MAP4K5: variants seen among roughly 807,000 people sequenced by gnomAD.
MAP4K5 encodes the protein MAPK/ERK kinase kinase kinase 5.
A neutral mutation model predicts 135.6 loss-of-function variants in MAP4K5; 82 were observed. That is an observed-to-expected ratio of 0.60 (90% CI 0.51 to 0.73). The LOEUF is 0.73. Ranked by LOEUF, MAP4K5 falls within the 30% of genes least tolerant of loss-of-function variation. MAP4K5 has a pLI of 0.00. For synonymous variants in MAP4K5, 347 were observed against 335.0 expected (o/e 1.04, Z -0.39); for missense variants, 907 against 1,010.9 (o/e 0.90, Z 1.39).
chr14:50,453,729 C>A (rs1012695312), intron 14 of MAP4K5, among the ~76,000 whole-genome samples: 8 of 152,248 alleles, frequency 5.3e-5, no homozygotes, highest in African/African-American at 1.9e-4. Context: ...GATGTTCACC[C>A]TTTCAGATAC....
rs116911105 is a variant in MAP4K5 at position 50,530,982 on chromosome 14, T to A, written c.108+960A>T. Among the ~76,000 whole-genome samples the A allele has an allele frequency of 6.6e-5, 10 of 152,366 alleles. No homozygotes were observed. In the East Asian group the frequency reaches 1.7e-3, roughly 26 times the overall value. Reference sequence around the variant, plus strand: ...ATGACACAAAACCACTTCAGCGATATGCAGAAGTGTTGTTTGGCACAATGC... The same window carrying A: ...ATGACACAAAACCACTTCAGCGATAAGCAGAAGTGTTGTTTGGCACAATGC... On this transcript the variant is annotated intron_variant, in intron 2 of 32. Transcript: ENST00000682126.
chr14:50,448,714 CAAAA>C, intron 15 of MAP4K5, 56 bp downstream of exon 15: 5 of 995,080 alleles, frequency 5.0e-6, no homozygotes, highest in South Asian at 1.6e-5. Context: ...GTACAACTAA[CAAAA>C]AAAAAGTTTT....
chr14:50,474,027 C>T (rs374026528), intron 9 of MAP4K5, among the ~76,000 whole-genome samples: 12 of 152,180 alleles, frequency 7.9e-5, no homozygotes, highest in Admixed American at 7.2e-4. Context: ...TTTCCACATA[C>T]GATTTTTTGA....
chr14:50,545,050 C>G (rs746478065), intron 1 of MAP4K5, among the ~76,000 whole-genome samples: 80 of 151,868 alleles, frequency 5.3e-4, no homozygotes, highest in Non-Finnish European at 1.1e-3. Flanking sequence ...GGCTGTGAGC[C>G]AAGGCCATGA....
At chr14:50,557,548 C>T (rs911839234) in intron 1 of MAP4K5, among the ~76,000 whole-genome samples, 2 of 152,172 alleles carry the variant, frequency 1.3e-5, no homozygotes, top group Admixed American at 1.3e-4. Flanking sequence ...ACATAACATT[C>T]TATTGCGTAT....
intron 2 of MAP4K5, among the ~76,000 whole-genome samples, chr14:50,515,123 C>T (rs1008918534): frequency 1.3e-5 from 2 of 151,952 alleles, no homozygotes; most frequent in African/African-American, 2.4e-5. Context: ...AGGATGGTCT[C>T]GATCTCCTGA....
At chr14:50,512,958 A>C (rs9285577) in intron 2 of MAP4K5, among the ~76,000 whole-genome samples, 2,461 of 152,302 alleles carry the variant, frequency 0.016, 26 homozygotes, top group Non-Finnish European at 0.025. Context: ...CACAAAAAAG[A>C]TCTAACTATA....
upstream of MAP4K5, among the ~76,000 whole-genome samples, chr14:50,534,545 C>T (rs1272632392): frequency 6.6e-6 from 1 of 152,206 alleles, no homozygotes; most frequent in Admixed American, 6.5e-5. Context: ...ATGAATTAGG[C>T]AGTGAAATGT....
chr14:50,520,484 G>C (rs1379013315), intron 2 of MAP4K5, among the ~76,000 whole-genome samples: 1 of 152,150 alleles, frequency 6.6e-6, no homozygotes, highest in South Asian at 2.1e-4. Flanking sequence ...CTGGGCGACA[G>C]AGCAAGACTC....
chr14:50,509,024 A>T (rs2037873280), intron 2 of MAP4K5, among the ~76,000 whole-genome samples: 1 of 152,210 alleles, frequency 6.6e-6, no homozygotes, highest in African/African-American at 2.4e-5. Flanking sequence ...AATGTGACAC[A>T]TATATACCAT....
intron 6 of MAP4K5, among the ~76,000 whole-genome samples, chr14:50,482,013 G>C (rs2037253765): frequency 6.6e-6 from 1 of 152,124 alleles, no homozygotes; most frequent in Non-Finnish European, 1.5e-5. Context: ...TGAGAGGTTT[G>C]GTAATTCATT....
Position 50,559,900 on chromosome 14 carries a change from T to C in MAP4K5, c.-180+1140A>G, listed in dbSNP as rs2038813206. 6 of 336,608 alleles carry C rather than the reference T, an allele frequency of 1.8e-5. No individual in the cohort carries two copies. The East Asian group carries it at 3.7e-4, about 21-fold the overall frequency. The allele number at this position is 336,608 out of a possible 1,614,324, so 20.9% of individuals were successfully genotyped here. The stretch of plus-strand genomic sequence containing the variant: ...AGTATATCGGTTTGTGTATTTCTGA[T>C]AACGCTGTTAAATTCTTTGAGAGTG... On this transcript the variant is annotated intron_variant, in intron 1 of 8. Transcript: ENST00000555216.
intron 18 of MAP4K5, among the ~76,000 whole-genome samples, chr14:50,444,370 T>C (rs2036295730): frequency 6.6e-6 from 1 of 152,200 alleles, no homozygotes; most frequent in East Asian, 1.9e-4. Flanking sequence ...AGCTCACATT[T>C]CTATTATAAT....
At chr14:50,437,396 T>C (rs942624697) in intron 26 of MAP4K5, 80 bp downstream of exon 26, 14 of 1,116,502 alleles carry the variant, frequency 1.3e-5, no homozygotes, top group East Asian at 2.6e-5. Context: ...CCTTCCTATT[T>C]GATTCCATAC....
chr14:50,452,166 T>A (rs2036504302), intron 14 of MAP4K5, among the ~76,000 whole-genome samples: 1 of 152,180 alleles, frequency 6.6e-6, no homozygotes, highest in Non-Finnish European at 1.5e-5. Flanking sequence ...TAAATGTTTT[T>A]TTGACTTATG....
chr14:50,517,667 G>A (rs1240525259), intron 2 of MAP4K5, among the ~76,000 whole-genome samples: 1 of 152,028 alleles, frequency 6.6e-6, no homozygotes, highest in East Asian at 2.0e-4. Context: ...TACGCAGGAG[G>A]CTGTGGCAGG....
intron 1 of MAP4K5, chr14:50,560,205 G>A: frequency 1.2e-6 from 2 of 1,603,398 alleles, no homozygotes; most frequent in South Asian, 2.2e-5. Context: ...GCAACCTGCG[G>A]CCCCGGAGAA....
chr14:50,458,921 A>G (rs565946998), intron 13 of MAP4K5, among the ~76,000 whole-genome samples: 2 of 152,040 alleles, frequency 1.3e-5, no homozygotes, highest in Admixed American at 1.3e-4. Flanking sequence ...TGATCTTCCC[A>G]CCTTGGTCTC....
intron 8 of MAP4K5, 41 bp from the exon 9 acceptor site, chr14:50,475,190 A>T: frequency 1.4e-6 from 2 of 1,423,578 alleles, no homozygotes; most frequent in Non-Finnish European, 2.0e-6. Flanking sequence ...TCTTTACAAT[A>T]CACCAAACAA....
Sources: allele counts gnomAD v4.1 joint callset (sites outside exome capture counted in the v4.1 genomes callset), GRCh38; gene constraint gnomAD v4.1.1; transcripts MANE v1.5; gene names NCBI Gene and HGNC (gene_info 2026-07-23, HGNC 2026-07-21).